CFH: variants seen among roughly 807,000 people sequenced by gnomAD.
CFH encodes the protein complement factor H, also known as H factor 1 (complement).
Under a neutral mutation model 147.3 loss-of-function variants are expected in CFH, and 53 were observed. The observed-to-expected ratio is 0.36, with a 90% CI of 0.29 to 0.45. CFH has a LOEUF of 0.45. Among genes scored for constraint, CFH ranks in the 20% least tolerant of loss-of-function variants. The probability of loss-of-function intolerance (pLI) is 1.00; values close to 1 mark genes in which losing one functional copy is unlikely to be tolerated. For missense variants in CFH, 1,380 were observed against 1,498.0 expected, an observed-to-expected ratio of 0.92 and a Z score of 1.30; for synonymous variants, 536 against 489.4, an observed-to-expected ratio of 1.10 and a Z score of -1.26.
chr1:196,718,904 A>G (rs1470314511), intron 11 of CFH, among the ~76,000 whole-genome samples: 3 of 152,058 alleles, frequency 2.0e-5, no homozygotes, highest in Admixed American at 2.0e-4. Context: ...ACGAAGAAAT[A>G]CCAGCTTAGT....
chr1:196,689,562 G>A lies in CFH; in HGVS notation c.1107G>A (p.Trp369Ter). Residue 369 changes from tryptophan to a stop codon, truncating the protein, a stop_gained, in exon 8 of 22, where the codon TGG becomes TGA. Transcript: ENST00000367429. LOFTEE classifies it high-confidence loss of function. ...TTGAGACTCCGTCAGGAAGTTACTG[G>A]GATCACATTCATTGCACACAAGATG... ...EHFETPSGSY[W>*]DHIHCTQDGW... The A allele has an allele frequency of 6.2e-7, 1 of 1,613,400 alleles. No individual in the cohort carries two copies. Among genetic ancestry groups the A allele is most frequent in the Non-Finnish European group, 8.5e-7 (1 of 1,179,672 alleles).
At chr1:196,717,474 T>C in intron 11 of CFH, among the ~76,000 whole-genome samples, 1 of 152,114 alleles carries the variant, frequency 6.6e-6, no homozygotes, top group Non-Finnish European at 1.5e-5. Context: ...TCAGAAATTG[T>C]GATGGATTAG....
At chr1:196,740,538 T>G in intron 17 of CFH, 81 bp from the exon 18 acceptor site, 1 of 1,376,044 alleles carries the variant, frequency 7.3e-7, no homozygotes, top group East Asian at 2.3e-5. Flanking sequence ...TATTTTCAAA[T>G]AAAACTACTT....
chr1:196,700,729 T>A (rs1236635839), intron 9 of CFH: 1 of 585,256 alleles, frequency 1.7e-6, no homozygotes, highest in East Asian at 1.4e-4. Flanking sequence ...TACAGTCCAG[T>A]GCCCCCATGC....
intron 10 of CFH, among the ~76,000 whole-genome samples, chr1:196,714,635 G>GTATATATATATATATATATATATA (rs1176351357): frequency 4.0e-5 from 1 of 24,922 alleles, no homozygotes; most frequent in African/African-American, 1.7e-4. Flanking sequence ...ACGTATATAT[G>GTATATATATATATATATATATATA]TATATATATA....
intron 11 of CFH, among the ~76,000 whole-genome samples, chr1:196,722,866 G>T (rs1669032857): frequency 6.6e-6 from 1 of 151,952 alleles, no homozygotes; most frequent in African/African-American, 2.4e-5. Context: ...GATGTAATCT[G>T]TAATTAAATC....
At chr1:196,659,255 G>A (rs1332238438) in intron 1 of CFH, among the ~76,000 whole-genome samples, 1 of 152,154 alleles carries the variant, frequency 6.6e-6, no homozygotes, top group Non-Finnish European at 1.5e-5. Context: ...GTCAATTCAG[G>A]CAAATAAAAG....
At chr1:196,725,433 T>A in intron 12 of CFH, 136 bp downstream of exon 12, 4 of 775,764 alleles carry the variant, frequency 5.2e-6, no homozygotes, top group Non-Finnish European at 8.7e-6. Flanking sequence ...GAAGGACATG[T>A]ATTGAGTACT....
chr1:196,710,440 G>A (rs1364636172), intron 9 of CFH, among the ~76,000 whole-genome samples: 6 of 152,120 alleles, frequency 3.9e-5, no homozygotes, highest in Admixed American at 3.9e-4. Context: ...TCTGGACACC[G>A]TTTTCTCTTC....
At chr1:196,739,642 A>G (rs1007262597) in intron 17 of CFH, among the ~76,000 whole-genome samples, 2 of 152,174 alleles carry the variant, frequency 1.3e-5, no homozygotes, top group African/African-American at 4.8e-5. Context: ...AGGAAGTGCC[A>G]AACTTTCCCA....
At chr1:196,744,996 T>G (rs1652950438) in intron 20 of CFH, among the ~76,000 whole-genome samples, 1 of 152,164 alleles carries the variant, frequency 6.6e-6, no homozygotes, top group Non-Finnish European at 1.5e-5. Context: ...TTTGAACACT[T>G]GAAAACCGTG....
intron 1 of CFH, among the ~76,000 whole-genome samples, chr1:196,664,535 A>G (rs538175648): frequency 1.3e-5 from 2 of 152,346 alleles, no homozygotes; most frequent in East Asian, 3.9e-4. Flanking sequence ...CATAGACAAT[A>G]TATAACTATA....
intron 1 of CFH, among the ~76,000 whole-genome samples, chr1:196,671,057 A>C (rs1667259911): frequency 6.6e-6 from 1 of 152,214 alleles, no homozygotes; most frequent in East Asian, 1.9e-4. Context: ...AAGTTTAATA[A>C]GTTTGTATTG....
At chr1:196,692,161 A>G (rs2149089983) in intron 9 of CFH, among the ~76,000 whole-genome samples, 1 of 152,024 alleles carries the variant, frequency 6.6e-6, no homozygotes, top group African/African-American at 2.4e-5. Context: ...ATAGAATCTC[A>G]CTCTGTCACC....
Position 196,737,610 on chromosome 1 carries a change from A to G in CFH, c.2732A>G (p.Asn911Ser), listed in dbSNP as rs1240893783. 2 of 1,613,514 alleles carry G rather than the reference A, an allele frequency of 1.2e-6. No homozygotes were observed. Among genetic ancestry groups the G allele is most frequent in the East Asian group, 2.2e-5 (1 of 44,724 alleles). Residue 911 changes from asparagine (N) to serine (S), a missense_variant, in exon 17 of 22, where the codon AAT (asparagine) becomes AGT (serine). Coordinates refer to ENST00000367429, the MANE Select transcript of CFH (RefSeq NM_000186.4). ...GGTGGTTTCAGGATATCTGAAGAAAATGAAACAACATGCTACATGGGAAAA... is the reference window on the plus strand; with the variant it reads ...GGTGGTTTCAGGATATCTGAAGAAAGTGAAACAACATGCTACATGGGAAAA... ...CEGGFRISEE[N>S]ETTCYMGKWS...
At chr1:196,714,548 G>T (rs1412806479) in intron 10 of CFH, among the ~76,000 whole-genome samples, 4 of 145,136 alleles carry the variant, frequency 2.8e-5, no homozygotes, top group Non-Finnish European at 6.0e-5. Flanking sequence ...AAATTTTCTG[G>T]GAACAATTGG....
Position 196,707,012 on chromosome 1 carries a change from A to G in CFH, c.1337-6723A>G, listed in dbSNP as rs569964161. On this transcript the variant is annotated intron_variant, in intron 9 of 21. Coordinates refer to ENST00000367429, the MANE Select transcript of CFH (RefSeq NM_000186.4). ...GGTAGAGAAGATTACCCTCAGGTTT[A>G]GGTGGCCTGTCTCCATCCAGTGTGA... 1.4e-4 allele frequency among the ~76,000 whole-genome samples: 22 copies of G among 152,316 alleles called. No homozygotes were observed. In the East Asian group the frequency reaches 4.2e-3, roughly 29 times the overall value.
intron 11 of CFH, among the ~76,000 whole-genome samples, chr1:196,722,667 C>T (rs1418337036): frequency 6.6e-6 from 1 of 152,108 alleles, no homozygotes; most frequent in Non-Finnish European, 1.5e-5. Context: ...AAATTTTCCT[C>T]AAAAAGGTTT....
intron 9 of CFH, among the ~76,000 whole-genome samples, chr1:196,708,151 C>G (rs1339402006): frequency 6.6e-6 from 1 of 152,202 alleles, no homozygotes; most frequent in Non-Finnish European, 1.5e-5. Context: ...AGTGCCTAGA[C>G]AGGCATAGCA....
Sources: gnomAD v4.1 joint callset for allele counts (sites outside exome capture counted in the v4.1 genomes callset) on GRCh38, gnomAD v4.1.1 for gene constraint, MANE v1.5 for transcripts, NCBI Gene and HGNC (gene_info 2026-07-23, HGNC 2026-07-21) for gene names.